Variants in OPTC observed in about 807,000 individuals in gnomAD.
OPTC encodes opticin, also known as oculoglycan.
Under a neutral mutation model 25.4 loss-of-function variants are expected in OPTC, and 22 were observed. The observed-to-expected ratio is 0.87, with a 90% CI of 0.62 to 1.24. The LOEUF (loss-of-function observed/expected upper bound fraction) is 1.24. OPTC is among the 50% of genes most tolerant of loss of function. The probability of loss-of-function intolerance (pLI) is 0.00; values close to 1 mark genes in which losing one functional copy is unlikely to be tolerated. For missense variants in OPTC, 417 were observed against 425.2 expected, an observed-to-expected ratio of 0.98 and a Z score of 0.17; for synonymous variants, 169 against 179.3, an observed-to-expected ratio of 0.94 and a Z score of 0.46.
At chr1:203,506,152 CT>C (rs1211629662) in intron 7 of OPTC, among the ~76,000 whole-genome samples, 251 of 140,582 alleles carry the variant, frequency 1.8e-3, no homozygotes, top group Middle Eastern at 3.8e-3. Flanking sequence ...TTTCTTTTTT[CT>C]TTTTTTTTTT....
intron 5 of OPTC, among the ~76,000 whole-genome samples, 199 bp downstream of exon 5, chr1:203,500,050 A>C: frequency 3.2e-4 from 3 of 9,488 alleles, no homozygotes; most frequent in Admixed American, 1.1e-3. Context: ...ACCACCACCT[A>C]CCTCCACCAC....
In OPTC at chr1:203,498,806, A is replaced by T. The variant is rs1360530933; in HGVS notation, c.496A>T (p.Ser166Cys). 6.2e-7 allele frequency: 1 copy of T among 1,613,942 alleles called. No homozygotes were observed. The highest frequency in any genetic ancestry group is 1.7e-5 in the Admixed American group (1 of 60,010). The change falls in exon 4 of 8, where the codon AGC (serine) becomes TGC (cysteine). Residue 166 changes from serine to cysteine, a missense_variant. Transcript: ENST00000367222. ...CCTGTATGCACGCTTCAACCGCATCAGCCGTATCAGGGCCGAAGACTTCAA... is the reference window on the plus strand; with the variant it reads ...CCTGTATGCACGCTTCAACCGCATCTGCCGTATCAGGGCCGAAGACTTCAA... ...AYLYARFNRI[S>C]RIRAEDFKGL...
chr1:203,498,952 GCT>G, intron 4 of OPTC, 113 bp downstream of exon 4: 1 of 1,184,452 alleles, frequency 8.4e-7, no homozygotes, highest in Non-Finnish European at 1.2e-6. Context: ...TTTCCTGTTG[GCT>G]CTCAGTCCCT....
At chr1:203,498,517 G>A (rs1661314087) in intron 3 of OPTC, among the ~76,000 whole-genome samples, 164 bp from the exon 4 acceptor site, 1 of 152,176 alleles carries the variant, frequency 6.6e-6, no homozygotes, top group South Asian at 2.1e-4. Flanking sequence ...TGACAGGGGA[G>A]CAGACAACAG....
chr1:203,497,398 G>T (rs754631665), intron 3 of OPTC, among the ~76,000 whole-genome samples: 10 of 152,172 alleles, frequency 6.6e-5, no homozygotes, highest in Non-Finnish European at 1.0e-4. Context: ...AAGCCACCCT[G>T]CCTTAATTAA....
chr1:203,499,523 T>G, intron 4 of OPTC, 126 bp from the exon 5 acceptor site: 1 of 835,702 alleles, frequency 1.2e-6, no homozygotes, highest in East Asian at 2.4e-5. Context: ...CTAGTGCAGG[T>G]GGAGAGCTGG....
chr1:203,504,303 T>C (rs1661441645), intron 7 of OPTC, among the ~76,000 whole-genome samples: 1 of 152,226 alleles, frequency 6.6e-6, no homozygotes, highest in East Asian at 1.9e-4. Flanking sequence ...TTTACTATAT[T>C]TCACTATTAA....
intron 3 of OPTC, among the ~76,000 whole-genome samples, chr1:203,497,739 T>C (rs1661304034): frequency 6.6e-6 from 1 of 151,984 alleles, no homozygotes; most frequent in African/African-American, 2.4e-5. Flanking sequence ...GGACCTGGGG[T>C]ATTGGGGCAT....
At chr1:203,495,301 C>T (rs548662417) in intron 1 of OPTC, among the ~76,000 whole-genome samples, 1 of 152,274 alleles carries the variant, frequency 6.6e-6, no homozygotes, top group South Asian at 2.1e-4. Context: ...GGTGGATCAC[C>T]TAAGGTCAGG....
intron 7 of OPTC, among the ~76,000 whole-genome samples, chr1:203,506,152 CTTTTTT>C (rs1211629662): frequency 7.1e-6 from 1 of 140,586 alleles, no homozygotes; most frequent in African/African-American, 2.6e-5. Context: ...TTTCTTTTTT[CTTTTTT>C]TTTTTTTTTT....
At chr1:203,495,771 C>T (rs1008789469) in intron 1 of OPTC, among the ~76,000 whole-genome samples, 194 bp from the exon 2 acceptor site, 6 of 151,954 alleles carry the variant, frequency 3.9e-5, no homozygotes, top group Middle Eastern at 3.4e-3. Flanking sequence ...TCAAGTGGGG[C>T]GGTGGAGGGA....
chr1:203,498,750 A>T lies in OPTC; in HGVS notation c.440A>T (p.Asp147Val). ...SVYCDDIDLEDIPPLPRRTAY... is the reference protein window; with the variant it reads ...SVYCDDIDLEVIPPLPRRTAY... The stretch of plus-strand genomic sequence containing the variant: ...TATTGCGATGACATTGACCTAGAGG[A>T]CATTCCTCCTCTTCCTCGGAGGACT... The change falls in exon 4 of 8, where the codon GAC becomes GTC. Residue 147 changes from aspartate to valine, a missense_variant. Coordinates refer to ENST00000367222, the MANE Select transcript of OPTC (RefSeq NM_014359.4). 2 of 1,614,112 alleles carry T rather than the reference A, an allele frequency of 1.2e-6. No individual in the cohort carries two copies. The highest frequency in any genetic ancestry group is 1.7e-6 in the Non-Finnish European group (2 of 1,180,012).
intron 1 of OPTC, among the ~76,000 whole-genome samples, chr1:203,495,512 G>A (rs547346818): frequency 7.2e-5 from 11 of 152,076 alleles, no homozygotes; most frequent in Non-Finnish European, 1.2e-4. Flanking sequence ...ATGAAACTTC[G>A]TCTCAAAAAA....
chr1:203,500,159 C>T (rs868800238), intron 5 of OPTC, among the ~76,000 whole-genome samples: 3 of 60,650 alleles, frequency 4.9e-5, no homozygotes, highest in Non-Finnish European at 3.4e-5. Flanking sequence ...CCTCCACCTC[C>T]ACCACCCACC....
intron 5 of OPTC, among the ~76,000 whole-genome samples, chr1:203,501,689 C>G (rs758690232): frequency 6.6e-6 from 1 of 152,190 alleles, no homozygotes; most frequent in Non-Finnish European, 1.5e-5. Flanking sequence ...CCTGCCCTCC[C>G]CAGTGACTTC....
intron 7 of OPTC, among the ~76,000 whole-genome samples, chr1:203,506,627 A>G (rs1160968981): frequency 2.0e-5 from 3 of 152,068 alleles, no homozygotes; most frequent in Admixed American, 1.3e-4. Flanking sequence ...CAATCCCTGG[A>G]CTCCTGGAGT....
At chr1:203,500,644 G>A (rs1228499441) in intron 5 of OPTC, among the ~76,000 whole-genome samples, 1 of 152,206 alleles carries the variant, frequency 6.6e-6, no homozygotes, top group African/African-American at 2.4e-5. Context: ...AATGGAAACA[G>A]TACTATCAGG....
chr1:203,499,913 C>A, intron 5 of OPTC, 62 bp downstream of exon 5: 1 of 1,362,072 alleles, frequency 7.3e-7, no homozygotes, highest in Non-Finnish European at 1.0e-6. Context: ...CCACCACCCA[C>A]CTCCACCACC....
chr1:203,506,879 C>T (rs935852747), intron 7 of OPTC, among the ~76,000 whole-genome samples: 19 of 152,352 alleles, frequency 1.2e-4, no homozygotes, highest in African/African-American at 4.3e-4. Flanking sequence ...TTTCAAGTTC[C>T]AATTAAAGGA....
Sources: gnomAD v4.1 joint callset for allele counts (sites outside exome capture counted in the v4.1 genomes callset) on GRCh38, gnomAD v4.1.1 for gene constraint, MANE v1.5 for transcripts, NCBI Gene and HGNC (gene_info 2026-07-23, HGNC 2026-07-21) for gene names.